Variants in VARS1 observed in about 807,000 individuals in gnomAD.
VARS1 encodes valine--tRNA ligase.
VARS1 carries 92 observed loss-of-function variants against 161.0 expected under a neutral mutation model. That is an observed-to-expected ratio of 0.57 (90% CI 0.48 to 0.68). VARS1 has a LOEUF of 0.68. Among genes scored for constraint, VARS1 ranks in the 30% least tolerant of loss-of-function variants. The pLI is 0.00. For missense variants in VARS1, 1,338 were observed against 1,695.9 expected (o/e 0.79, Z 3.71); for synonymous variants, 595 against 682.5 (o/e 0.87, Z 2.00).
rs969295418 is a variant in VARS1 at position 31,792,786 on chromosome 6, G to A, written c.632C>T (p.Ser211Leu). Residue 211 changes from serine to leucine, a missense_variant, in exon 4 of 30, where the codon TCA becomes TTA. Transcript: ENST00000375663. ...CTGATGAGAGAGAGGCCTGGCTCCT[G>A]AGTATAGAACCACTTCTCCTAGCAC... is the stretch of plus-strand genomic sequence containing the variant. Reference protein sequence around the residue: ...RAVLGEVVLYSGARPLSHQPG... With the variant: ...RAVLGEVVLYLGARPLSHQPG... 1 of 1,614,180 alleles carries A rather than the reference G, an allele frequency of 6.2e-7. No homozygotes were observed.
In VARS1 at chr6:31,778,335, T is replaced by C. The variant is rs946362732; in HGVS notation, c.3726+632A>G. Among the ~76,000 whole-genome samples, 1 of 152,088 alleles carries C rather than the reference T, an allele frequency of 6.6e-6. No individual in the cohort carries two copies. Among genetic ancestry groups the C allele is most frequent in the African/African-American group, 2.4e-5 (1 of 41,400 alleles). ...TAGGATGCCTGGTTCTAGGTCAGCC[T>C]CCGTCTCCCACCTGTTGTGTGACCC... On this transcript the variant is annotated intron_variant, in intron 29 of 29. Transcript: ENST00000375663. This position sits in a 1 kb window ranked among gnomAD's most constrained non-coding sequence, Gnocchi z 5.1.
Position 31,784,984 on chromosome 6 carries a change from C to A in VARS1, c.1347+262G>T, listed in dbSNP as rs1246320674. ...GTGCAGAGGACACTGGGAGTTCAGG[C>A]TCCATGGGAGACGGGGTCCTGATCA... On this transcript the variant is annotated intron_variant, in intron 10 of 29. Transcript: ENST00000375663. The surrounding 1 kb of genome is among the most constrained non-coding windows in gnomAD (Gnocchi z 6.1). 6.6e-6 allele frequency among the ~76,000 whole-genome samples: 1 copy of A among 152,202 alleles called. No individual in the cohort carries two copies. The highest frequency in any genetic ancestry group is 2.4e-5 in the African/African-American group (1 of 41,448).
Position 31,795,015 on chromosome 6 carries a change from C to A in VARS1, c.203G>T (p.Trp68Leu). The A allele has an allele frequency of 6.3e-7, 1 of 1,591,416 alleles. No homozygotes were observed. Among genetic ancestry groups the A allele is most frequent in the Non-Finnish European group, 8.6e-7 (1 of 1,166,732 alleles). The change falls in exon 2 of 30, where the codon TGG becomes TTG. Residue 68 changes from tryptophan to leucine, a missense_variant. Trp to Leu is a moderately conservative substitution (Grantham distance 61). Transcript: ENST00000375663. The surrounding 1 kb of genome is among the most constrained non-coding windows in gnomAD (Gnocchi z 6.9). ...PALEQGPGGL[W>L]VWGATAVAQL... The stretch of plus-strand genomic sequence containing the variant: ...GGCCACAGCCGTGGCCCCCCACACC[C>A]AGAGCCCACCGGGCCCCTGCTCCAG...
Position 31,778,878 on chromosome 6 carries a change from T to C in VARS1, c.3726+89A>G. The C allele has an allele frequency of 6.6e-7, 1 of 1,521,302 alleles. No individual in the cohort carries two copies. The highest frequency in any genetic ancestry group is 2.3e-5 in the East Asian group (1 of 44,258). 94.2% of individuals were successfully genotyped at this position (1,521,302 alleles called of 1,614,324 possible). A position where few individuals can be genotyped will look rare whatever the true frequency, so the allele number is the denominator to read the frequency against. ...CTGTAACTGGTTACGATCAATTAGT[T>C]GTCAACACCACTGCACTCGGACCAG... On this transcript the variant is annotated intron_variant, in intron 29 of 29. Transcript: ENST00000375663. The surrounding 1 kb of genome is among the most constrained non-coding windows in gnomAD (Gnocchi z 5.1).
At chr6:31,793,517 A>C (rs911054562) in intron 2 of VARS1, among the ~76,000 whole-genome samples, 8 of 152,050 alleles carry the variant, frequency 5.3e-5, no homozygotes, top group Non-Finnish European at 1.0e-4. Context: ...GAAAAAAAAA[A>C]ACAAAACACT....
chr6:31,794,766 C>A, intron 2 of VARS1, 65 bp downstream of exon 2: 1 of 1,493,314 alleles, frequency 6.7e-7, no homozygotes, highest in Non-Finnish European at 9.0e-7. Flanking sequence ...TCTCATTGTC[C>A]ATTCCAGTCC....
At chr6:31,794,726 T>G in intron 2 of VARS1, 105 bp downstream of exon 2, 1 of 1,417,384 alleles carries the variant, frequency 7.1e-7, no homozygotes, top group East Asian at 2.4e-5. Flanking sequence ...TTGATCACTC[T>G]TTTCCCACAT....
At position 31,787,881 on chromosome 6, in the gene VARS1, C is replaced by T. The variant is rs1204462533; in HGVS notation, c.1101-2148G>A. ...CGCCTATAATCCCAGCACTTTGGGACGCCGAGGTACGCGAATCACGAGGTC... is the reference window on the plus strand; with the variant it reads ...CGCCTATAATCCCAGCACTTTGGGATGCCGAGGTACGCGAATCACGAGGTC... On this transcript the variant is annotated intron_variant, in intron 8 of 29. Coordinates refer to ENST00000375663, the MANE Select transcript of VARS1 (RefSeq NM_006295.3). Among the ~76,000 whole-genome samples the T allele has an allele frequency of 3.3e-5, 5 of 151,818 alleles. No homozygotes were observed. The East Asian group carries it at 5.8e-4, about 18-fold the overall frequency.
In VARS1 at chr6:31,791,476, G is replaced by A; in HGVS notation, c.1100+134C>T. 1 of 1,277,318 alleles carries A rather than the reference G, an allele frequency of 7.8e-7. No homozygotes were observed. Among genetic ancestry groups the A allele is most frequent in the South Asian group, 1.6e-5 (1 of 63,376 alleles). 79.1% of individuals were successfully genotyped at this position (1,277,318 alleles called of 1,614,324 possible). A position where few individuals can be genotyped will look rare whatever the true frequency, so the allele number is the denominator to read the frequency against. On this transcript the variant is annotated intron_variant, in intron 8 of 29. Transcript: ENST00000375663. The surrounding 1 kb of genome is among the most constrained non-coding windows in gnomAD (Gnocchi z 5.0). The stretch of plus-strand genomic sequence containing the variant: ...GCTAAATGATCAGATTGGAATGACA[G>A]AGAGAAGTGTAGCACCACTGGGGGC...
At position 31,785,433 on chromosome 6, in the gene VARS1, G is replaced by C. The variant is rs1266471113; in HGVS notation, c.1266-106C>G. On this transcript the variant is annotated intron_variant, in intron 9 of 29. Coordinates refer to ENST00000375663, the MANE Select transcript of VARS1 (RefSeq NM_006295.3). This position sits in a 1 kb window ranked among gnomAD's most constrained non-coding sequence, Gnocchi z 6.1. Reference sequence around the variant, plus strand: ...TCACCCATCCCCCTGAAATTTACCTGGGCCCTAGAGCCAACTGACTCTGCC... The same window carrying C: ...TCACCCATCCCCCTGAAATTTACCTCGGCCCTAGAGCCAACTGACTCTGCC... 3 of 1,544,430 alleles carry C rather than the reference G, an allele frequency of 1.9e-6. No homozygotes were observed. The highest frequency in any genetic ancestry group is 2.6e-6 in the Non-Finnish European group (3 of 1,137,134).
rs1341540787 is a variant in VARS1 at position 31,791,249 on chromosome 6, C to T, written c.1100+361G>A. ...GGGAGAGACTGGGTGTGGTGCCTCA[C>T]ACCTATAATCCCAGCACTCTGGGAG... On this transcript the variant is annotated intron_variant, in intron 8 of 29. Transcript: ENST00000375663. This position sits in a 1 kb window ranked among gnomAD's most constrained non-coding sequence, Gnocchi z 5.0. Among the ~76,000 whole-genome samples, 3 of 152,008 alleles carry T rather than the reference C, an allele frequency of 2.0e-5. No homozygotes were observed. Among genetic ancestry groups the T allele is most frequent in the Non-Finnish European group, 4.4e-5 (3 of 68,012 alleles).
rs1322356443 is a variant in VARS1, at chr6:31,792,871, T to C, written c.547A>G (p.Ile183Val). ...RYVLDPPARR[I>V]WNNVTRWFVT... The stretch of plus-strand genomic sequence containing the variant: ...AACCAGCGAGTCACATTATTCCAGA[T>C]CCGGCGGGCAGGTGGGTCTAGGACC... Residue 183 changes from isoleucine (I) to valine (V), a missense_variant, in exon 4 of 30, where the codon ATC becomes GTC. Coordinates refer to ENST00000375663, the MANE Select transcript of VARS1 (RefSeq NM_006295.3). The C allele has an allele frequency of 6.2e-7, 1 of 1,613,958 alleles. No individual in the cohort carries two copies. The highest frequency in any genetic ancestry group is 8.5e-7 in the Non-Finnish European group (1 of 1,180,010).
chr6:31,788,006 G>C (rs570845397), intron 8 of VARS1, among the ~76,000 whole-genome samples: 1 of 151,892 alleles, frequency 6.6e-6, no homozygotes, highest in South Asian at 2.1e-4. Flanking sequence ...TATAGTCCCA[G>C]CTACTCAGGA....
rs776788242 is a variant in VARS1 at position 31,784,449 on chromosome 6, C to G, written c.1521G>C (p.Lys507Asn). Residue 507 changes from lysine to asparagine, a missense_variant, in exon 12 of 30, where the codon AAG becomes AAC. Lys to Asn is a moderately conservative substitution (Grantham distance 94). Transcript: ENST00000375663. The surrounding 1 kb of genome is among the most constrained non-coding windows in gnomAD (Gnocchi z 6.1). ...GRTLLSVPGY[K>N]EKVEFGVLVS... ...CGAGGACCCCGAACTCCACCTTCTC[C>G]TTGTAGCCAGGCACGGAGAGCAGGG... The G allele has an allele frequency of 1.2e-6, 2 of 1,614,136 alleles. No homozygotes were observed. The highest frequency in any genetic ancestry group is 2.2e-5 in the East Asian group (1 of 44,880).
Position 31,784,623 on chromosome 6 carries a change from G to T in VARS1, c.1439C>A (p.Thr480Asn). 1 of 1,613,202 alleles carries T rather than the reference G, an allele frequency of 6.2e-7. No homozygotes were observed. The highest frequency in any genetic ancestry group is 1.1e-5 in the South Asian group (1 of 91,088). Reference protein sequence around the residue: ...RSTRLVNWSCTLNSAISDIEV... With the variant: ...RSTRLVNWSCNLNSAISDIEV... ...AATGTCAGAGATGGCGGAGTTGAGGGTGCAGGACCAGTTAACAAGGCGGGT... is the reference window on the plus strand; with the variant it reads ...AATGTCAGAGATGGCGGAGTTGAGGTTGCAGGACCAGTTAACAAGGCGGGT... Residue 480 changes from threonine (T) to asparagine (N), a missense_variant, in exon 11 of 30, where the codon ACC (threonine) becomes AAC (asparagine). By Grantham distance (65) the Thr-to-Asn change is moderately conservative. This residue lies in a region of VARS1 where 902 missense variants were observed against 1,090.3 expected (regional missense o/e 0.83). Coordinates refer to ENST00000375663, the MANE Select transcript of VARS1 (RefSeq NM_006295.3). This position sits in a 1 kb window ranked among gnomAD's most constrained non-coding sequence, Gnocchi z 6.1.
Position 31,791,674 on chromosome 6 carries a change from C to T in VARS1, c.1036G>A (p.Val346Met), listed in dbSNP as rs1813876965. ...TGGCCCAGGTGCAGGGAGCCTGTCA[C>T]ATTGGGGGGTGGGATGCACATCATG... is the stretch of plus-strand genomic sequence containing the variant. ...VFMMCIPPPN[V>M]TGSLHLGHAL... The change falls in exon 8 of 30, where the codon GTG (valine) becomes ATG (methionine). Residue 346 changes from valine to methionine, a missense_variant. This residue lies in a region of VARS1 where 902 missense variants were observed against 1,090.3 expected (regional missense o/e 0.83). Transcript: ENST00000375663. This position sits in a 1 kb window ranked among gnomAD's most constrained non-coding sequence, Gnocchi z 5.0. 6.2e-7 allele frequency: 1 copy of T among 1,613,010 alleles called. No homozygotes were observed. The highest frequency in any genetic ancestry group is 8.5e-7 in the Non-Finnish European group (1 of 1,180,010).
Position 31,781,767 on chromosome 6 carries a change from A to G in VARS1, c.2348-6T>C, listed in dbSNP as rs771161682. 1 of 1,613,042 alleles carries G rather than the reference A, an allele frequency of 6.2e-7. No homozygotes were observed. ...GGTATCCAATACATCCTCATCTGAG[A>G]GAGGCCAAAGGTCAGAGGTCAGAGG... On this transcript the variant is annotated splice_polypyrimidine_tract_variant and splice_region_variant and intron_variant, in intron 19 of 29. Coordinates refer to ENST00000375663, the MANE Select transcript of VARS1 (RefSeq NM_006295.3). This position sits in a 1 kb window ranked among gnomAD's most constrained non-coding sequence, Gnocchi z 6.8.
At position 31,777,547 on chromosome 6, in the gene VARS1, T is replaced by A. The variant is rs1465445805; in HGVS notation, c.*47A>T. The A allele has an allele frequency of 6.2e-7, 1 of 1,602,358 alleles. No individual in the cohort carries two copies. The highest frequency in any genetic ancestry group is 8.5e-7 in the Non-Finnish European group (1 of 1,169,608). ...GTGGGAAAATATTTTATTGCTGCCA[T>A]CCCCATGGTGAGCCGCTGGGGGTGA... is the stretch of plus-strand genomic sequence containing the variant. On this transcript the variant is annotated 3_prime_UTR_variant, in exon 30 of 30. Coordinates refer to ENST00000375663, the MANE Select transcript of VARS1 (RefSeq NM_006295.3). This position sits in a 1 kb window ranked among gnomAD's most constrained non-coding sequence, Gnocchi z 5.8.
In VARS1 at chr6:31,779,076, G is replaced by A; in HGVS notation, c.3617C>T (p.Ala1206Val). ...CTGCCGCTGGGCCTCAACTCGCTTG[G>A]CTTGCAGCTTGCCCAGCTCCCGTGC... ...DPARELGKLQ[A>V]KRVEAQRQAQ... Residue 1206 changes from alanine (A) to valine (V), a missense_variant, in exon 29 of 30, where the codon GCC becomes GTC. Ala to Val is a moderately conservative substitution (Grantham distance 64, BLOSUM62 0). This residue lies in a region of VARS1 where 433 missense variants were observed against 586.2 expected (regional missense o/e 0.74). Coordinates refer to ENST00000375663, the MANE Select transcript of VARS1 (RefSeq NM_006295.3). The surrounding 1 kb of genome is among the most constrained non-coding windows in gnomAD (Gnocchi z 9.1). 1 of 1,612,356 alleles carries A rather than the reference G, an allele frequency of 6.2e-7. No individual in the cohort carries two copies. Among genetic ancestry groups the A allele is most frequent in the Non-Finnish European group, 8.5e-7 (1 of 1,179,782 alleles).
Sources: allele counts gnomAD v4.1 joint callset (sites outside exome capture counted in the v4.1 genomes callset), GRCh38; gene constraint gnomAD v4.1.1; regional missense constraint gnomAD v4.1.1; non-coding constraint Gnocchi (gnomAD v3.1); transcripts MANE v1.5; gene names NCBI Gene and HGNC (gene_info 2026-07-23, HGNC 2026-07-21).